CEP162: variants seen among roughly 807,000 people sequenced by gnomAD.
CEP162 encodes the protein centrosomal protein 162.
CEP162 carries 141 observed loss-of-function variants against 169.2 expected under a neutral mutation model. The ratio of observed to expected loss-of-function variants is 0.83; its 90% CI spans 0.73 to 0.96. CEP162 has a LOEUF of 0.96. CEP162 is among the 40% of genes least tolerant of loss of function. CEP162 has a pLI of 0.00. For synonymous variants in CEP162, 540 were observed against 526.4 expected (o/e 1.03, Z -0.35); for missense variants, 1,600 against 1,587.2 (o/e 1.01, Z -0.14).
intron 6 of CEP162, among the ~76,000 whole-genome samples, chr6:84,209,988 T>A (rs557790500): frequency 3.9e-5 from 6 of 152,128 alleles, no homozygotes; most frequent in African/African-American, 1.2e-4. Context: ...GGAACAAACA[T>A]CAAGGCAAAT....
rs1422807165 is a variant in CEP162, at chr6:84,221,164, T to A, written c.65A>T (p.Asp22Val). 6.8e-7 allele frequency: 1 copy of A among 1,470,366 alleles called. No individual in the cohort carries two copies. 91.1% of individuals were successfully genotyped at this position (1,470,366 alleles called of 1,614,324 possible). Residue 22 changes from aspartate to valine, a missense_variant, in exon 3 of 27, where the codon GAT (aspartate) becomes GTT (valine). Transcript: ENST00000403245. ...TTTGTCTGAATTTTCAAAAGAATCA[T>A]CTGAAAGCTGAATTAGATATAAGAC... ...EFEQFMKELS[D>V]DSFENSDKTA...
intron 3 of CEP162, among the ~76,000 whole-genome samples, chr6:84,218,230 C>T (rs966993580): frequency 6.6e-6 from 1 of 152,152 alleles, no homozygotes; most frequent in Admixed American, 6.5e-5. Flanking sequence ...GCAGGGGACA[C>T]AGTAGGTACA....
intron 23 of CEP162, among the ~76,000 whole-genome samples, chr6:84,152,207 T>C (rs1047706239): frequency 2.6e-5 from 4 of 152,204 alleles, no homozygotes; most frequent in Non-Finnish European, 5.9e-5. Context: ...GCAATCTGTC[T>C]ATAGCAATAA....
At chr6:84,178,808 G>A (rs1056299364) in intron 13 of CEP162, among the ~76,000 whole-genome samples, 6 of 151,780 alleles carry the variant, frequency 4.0e-5, no homozygotes, top group Admixed American at 1.3e-4. Context: ...ATACCTCCCC[G>A]CTCCCCCCAA....
In CEP162 at chr6:84,200,859, A is replaced by G. The variant is rs768951795; in HGVS notation, c.765T>C (p.Asp255=). The G allele has an allele frequency of 6.8e-6, 11 of 1,612,352 alleles. No homozygotes were observed. Among genetic ancestry groups the G allele is most frequent in the Admixed American group, 6.7e-5 (4 of 60,002 alleles). The change falls in exon 9 of 27, where the codon GAT becomes GAC. Residue 255 remains aspartate, a synonymous_variant. Coordinates refer to ENST00000403245, the MANE Select transcript of CEP162 (RefSeq NM_014895.4). ...SLDSVAEVNL[D]EQDKITPKPR... is the part of the protein sequence containing the mutation. ...GCTTAGGTGTTATTTTATCTTGTTCATCAAGATTGACCTCTGCAACAGAGT... is the reference window on the plus strand; with the variant it reads ...GCTTAGGTGTTATTTTATCTTGTTCGTCAAGATTGACCTCTGCAACAGAGT...
At chr6:84,206,912 A>T (rs563599460) in intron 6 of CEP162, among the ~76,000 whole-genome samples, 1 of 152,380 alleles carries the variant, frequency 6.6e-6, no homozygotes, top group South Asian at 2.1e-4. Context: ...TGGGCAAAGG[A>T]TATGAATAGA....
Position 84,174,241 on chromosome 6 carries a change from G to A in CEP162, c.2026-53C>T, listed in dbSNP as rs535025481. On this transcript the variant is annotated intron_variant, in intron 15 of 26. Transcript: ENST00000403245. ...TTTGGGGAAGGAAATGATAAGGTGA[G>A]AAGTGAGAAAGAATAACAGGAAACT... 56 of 1,429,674 alleles carry A rather than the reference G, an allele frequency of 3.9e-5. No homozygotes were observed. The African/African-American group carries it at 8.0e-4, about 20-fold the overall frequency. 88.6% of individuals were successfully genotyped at this position (1,429,674 alleles called of 1,614,324 possible). A position where few individuals can be genotyped will look rare whatever the true frequency, so the allele number is the denominator to read the frequency against.
chr6:84,193,061 T>C (rs777208120), intron 11 of CEP162, among the ~76,000 whole-genome samples: 2 of 152,344 alleles, frequency 1.3e-5, no homozygotes, highest in Middle Eastern at 3.4e-3. Flanking sequence ...GACATGACAT[T>C]TCAGTGCTAC....
intron 7 of CEP162, 64 bp downstream of exon 7, chr6:84,203,917 G>C: frequency 1.1e-6 from 1 of 887,038 alleles, no homozygotes; most frequent in Non-Finnish European, 1.8e-6. Flanking sequence ...TCTTCATATA[G>C]CAATAGGCAG....
intron 3 of CEP162, among the ~76,000 whole-genome samples, chr6:84,219,767 G>T (rs1464568334): frequency 1.3e-5 from 2 of 152,140 alleles, no homozygotes; most frequent in Non-Finnish European, 2.9e-5. Context: ...TTAATGTTGA[G>T]GGTCAGGGGA....
chr6:84,211,066 C>A (rs560500066), intron 6 of CEP162, among the ~76,000 whole-genome samples: 1 of 151,502 alleles, frequency 6.6e-6, no homozygotes, highest in East Asian at 1.9e-4. Context: ...AAAAGTGTCA[C>A]GAAACTAAAT....
intron 6 of CEP162, among the ~76,000 whole-genome samples, chr6:84,208,703 C>T (rs1311063261): frequency 6.6e-6 from 1 of 152,174 alleles, no homozygotes; most frequent in East Asian, 1.9e-4. Flanking sequence ...AGTTGGTTAA[C>T]TATGTCAATA....
At chr6:84,224,252 G>A (rs894111610) in intron 2 of CEP162, among the ~76,000 whole-genome samples, 1 of 152,126 alleles carries the variant, frequency 6.6e-6, no homozygotes, top group East Asian at 1.9e-4. Context: ...GATGAACCTT[G>A]AAAACATCAT....
intron 6 of CEP162, among the ~76,000 whole-genome samples, chr6:84,204,419 G>A (rs1353751222): frequency 1.3e-5 from 2 of 152,178 alleles, no homozygotes; most frequent in Non-Finnish European, 2.9e-5. Context: ...TCAGGATTGA[G>A]AAACTCACTC....
At position 84,152,535 on chromosome 6, in the gene CEP162, A is replaced by T; in HGVS notation, c.3629+10T>A. 4 of 1,299,186 alleles carry T rather than the reference A, an allele frequency of 3.1e-6. No homozygotes were observed. 80.5% of individuals were successfully genotyped at this position (1,299,186 alleles called of 1,614,324 possible). On this transcript the variant is annotated intron_variant, in intron 23 of 26. Transcript: ENST00000403245. ...TTTTACAAATATTTATAAATAATTT[A>T]ACATTTTACCTTCTCATGGAGTTTT...
chr6:84,208,019 ATTTT>A (rs375738078), intron 6 of CEP162, among the ~76,000 whole-genome samples: 1 of 132,866 alleles, frequency 7.5e-6, no homozygotes. Flanking sequence ...AGGTTGATTG[ATTTT>A]TTTTTTTTTT....
At chr6:84,184,142 T>C (rs922494680) in intron 13 of CEP162, among the ~76,000 whole-genome samples, 4 of 152,156 alleles carry the variant, frequency 2.6e-5, no homozygotes, top group African/African-American at 9.7e-5. Flanking sequence ...CAGATCCCGT[T>C]ACAGCTCCTC....
intron 1 of CEP162, among the ~76,000 whole-genome samples, chr6:84,226,939 C>T (rs1283485376): frequency 6.6e-6 from 1 of 152,068 alleles, no homozygotes; most frequent in Non-Finnish European, 1.5e-5. Flanking sequence ...CAGACTGTAT[C>T]CAGATACGGG....
At chr6:84,160,327 GA>G (rs1180320725) in intron 21 of CEP162, among the ~76,000 whole-genome samples, 9 of 152,154 alleles carry the variant, frequency 5.9e-5, no homozygotes, top group Non-Finnish European at 1.2e-4. Context: ...ACCACAAAAT[GA>G]GTATTTCTAA....
Sources: allele counts gnomAD v4.1 joint callset (sites outside exome capture counted in the v4.1 genomes callset), GRCh38; gene constraint gnomAD v4.1.1; transcripts MANE v1.5; gene names NCBI Gene and HGNC (gene_info 2026-07-23, HGNC 2026-07-21).